Variants in PTPN12 observed in about 807,000 individuals in gnomAD.
The protein encoded by PTPN12 is protein tyrosine phosphatase non-receptor type 12.
In PTPN12, 29 loss-of-function variants were observed where a neutral mutation model predicts 97.6. The ratio of observed to expected loss-of-function variants is 0.30; its 90% confidence interval spans 0.22 to 0.41. The LOEUF (loss-of-function observed/expected upper bound fraction) is 0.41. Ranked by LOEUF, PTPN12 falls within the 10% of genes least tolerant of loss-of-function variation. The pLI is 1.00. For synonymous variants in PTPN12, 327 were observed against 300.4 expected, an observed-to-expected ratio of 1.09 and a Z score of -0.91; for missense variants, 819 against 926.0, an observed-to-expected ratio of 0.88 and a Z score of 1.50.
At chr7:77,577,935 A>G (rs964990605) in intron 2 of PTPN12, among the ~76,000 whole-genome samples, 2 of 152,220 alleles carry the variant, frequency 1.3e-5, no homozygotes, top group African/African-American at 4.8e-5. Context: ...CAAAATGTTG[A>G]TAATGAAGCT....
intron 14 of PTPN12, among the ~76,000 whole-genome samples, chr7:77,634,737 G>A (rs772638210): frequency 1.3e-5 from 2 of 151,866 alleles, no homozygotes; most frequent in Non-Finnish European, 2.9e-5. Context: ...CACCACGCCC[G>A]GCTAATTTTT....
chr7:77,607,238 A>G lies in PTPN12; in HGVS notation c.699A>G (p.Ala233=), dbSNP rs779818738. 5.6e-6 allele frequency: 9 copies of G among 1,604,440 alleles called. No homozygotes were observed. In the African/African-American group the frequency reaches 9.4e-5, roughly 17 times the overall value. The change falls in exon 9 of 18, where the codon GCA becomes GCG. Residue 233 remains alanine, a synonymous_variant. Coordinates refer to ENST00000248594, the MANE Select transcript of PTPN12 (RefSeq NM_002835.4). ...EDVPICIHCS[A]GCGRTGAICA... ...TTTTCAAACTTTATATCCTTAGTGC[A>G]GGCTGTGGAAGAACAGGTGCCATTT...
chr7:77,608,459 T>A (rs940644858), intron 9 of PTPN12, among the ~76,000 whole-genome samples: 4 of 152,210 alleles, frequency 2.6e-5, no homozygotes, highest in Non-Finnish European at 5.9e-5. Flanking sequence ...GATACAGCCT[T>A]CATTATAGAT....
intron 1 of PTPN12, among the ~76,000 whole-genome samples, chr7:77,556,785 G>T (rs989341352): frequency 6.6e-6 from 1 of 151,828 alleles, no homozygotes; most frequent in Non-Finnish European, 1.5e-5. Context: ...ATCCGAGACC[G>T]CACCACTGCA....
chr7:77,636,001 A>G, intron 15 of PTPN12, 152 bp downstream of exon 15: 1 of 518,150 alleles, frequency 1.9e-6, no homozygotes, highest in Non-Finnish European at 3.2e-6. Flanking sequence ...ATTTCAGATG[A>G]AAAGCCCATA....
intron 11 of PTPN12, among the ~76,000 whole-genome samples, chr7:77,612,469 A>C (rs1342792946): frequency 1.3e-5 from 2 of 152,126 alleles, no homozygotes; most frequent in African/African-American, 4.8e-5. Context: ...ATGGAGTTTC[A>C]CTATTGTTGC....
intron 1 of PTPN12, among the ~76,000 whole-genome samples, chr7:77,545,242 T>C (rs569146585): frequency 6.6e-6 from 1 of 152,278 alleles, no homozygotes; most frequent in Non-Finnish European, 1.5e-5. Context: ...ACAAGTGATA[T>C]CTGTTGTTCT....
At chr7:77,627,818 T>C (rs1789255853) in intron 13 of PTPN12, 143 bp downstream of exon 13, 1 of 757,828 alleles carries the variant, frequency 1.3e-6, no homozygotes, top group Non-Finnish European at 1.9e-6. Flanking sequence ...ATACTAATTT[T>C]TTAATATAAG....
chr7:77,571,686 C>G (rs1317195576), intron 2 of PTPN12, among the ~76,000 whole-genome samples: 2 of 146,436 alleles, frequency 1.4e-5, no homozygotes, highest in African/African-American at 2.6e-5. Flanking sequence ...GCATTACATT[C>G]TAATGATATT....
intron 5 of PTPN12, among the ~76,000 whole-genome samples, chr7:77,587,558 T>C (rs1049910509): frequency 4.6e-5 from 7 of 152,188 alleles, no homozygotes; most frequent in African/African-American, 1.7e-4. Context: ...TTTGGCATGA[T>C]TTTTAGAGCC....
At chr7:77,625,831 A>G (rs1789159455) in intron 12 of PTPN12, among the ~76,000 whole-genome samples, 2 of 151,818 alleles carry the variant, frequency 1.3e-5, no homozygotes, top group Non-Finnish European at 1.5e-5. Flanking sequence ...TGGCCTCCCA[A>G]AGTGCTGGGA....
intron 1 of PTPN12, among the ~76,000 whole-genome samples, chr7:77,570,073 G>A (rs1808410672): frequency 6.6e-6 from 1 of 152,084 alleles, no homozygotes; most frequent in Admixed American, 6.5e-5. Flanking sequence ...TCATAAATGT[G>A]GGGAATTTTA....
At chr7:77,628,832 C>T (rs574512714) in intron 13 of PTPN12, among the ~76,000 whole-genome samples, 3 of 152,128 alleles carry the variant, frequency 2.0e-5, no homozygotes, top group African/African-American at 7.2e-5. Context: ...GCTACCACAC[C>T]TGGCCTTGAA....
intron 12 of PTPN12, among the ~76,000 whole-genome samples, chr7:77,623,087 T>G (rs996453321): frequency 6.6e-6 from 1 of 151,614 alleles, no homozygotes; most frequent in Non-Finnish European, 1.5e-5. Flanking sequence ...ACACCAAGCT[T>G]GATATACACC....
Position 77,625,510 on chromosome 7 carries a change from T to TCTCTCTCTCTCA in PTPN12, c.1026-1184_1026-1183insACTCTCTCTCTC, listed in dbSNP as rs1789126670. ...CTCTCTCTCTCTCTCTCTCTCTCTC[T>TCTCTCTCTCTCA]CTCTCTCTCTCTCACTCTCACTCTC... is the stretch of plus-strand genomic sequence containing the variant. On this transcript the variant is annotated intron_variant, in intron 12 of 17. Transcript: ENST00000248594. Among the ~76,000 whole-genome samples, 27 of 100,370 alleles carry TCTCTCTCTCTCA rather than the reference T, an allele frequency of 2.7e-4. 2 individuals carry two copies. The highest frequency in any genetic ancestry group is 3.5e-4 in the South Asian group (1 of 2,876). 65.8% of individuals were successfully genotyped at this position (100,370 alleles called of 152,430 possible). A position where few individuals can be genotyped will look rare whatever the true frequency, so the allele number is the denominator to read the frequency against.
Position 77,605,223 on chromosome 7 carries a change from AC to A in PTPN12, c.696-2011del, listed in dbSNP as rs376118102. On this transcript the variant is annotated intron_variant, in intron 8 of 17. Transcript: ENST00000248594. ...GAATTTTAGGTTACATGTTTAACAA[AC>A]TGCTGATAGGTATACATTTCAAAAT... is the stretch of plus-strand genomic sequence containing the variant. 4.3e-3 allele frequency among the ~76,000 whole-genome samples: 661 copies of A among 152,212 alleles called. 8 individuals are homozygous for A. Among genetic ancestry groups the A allele is most frequent in the African/African-American group, 0.014 (588 of 41,538 alleles).
intron 14 of PTPN12, 125 bp from the exon 15 acceptor site, chr7:77,635,657 A>G (rs2151410274): frequency 1.9e-6 from 1 of 530,432 alleles, no homozygotes; most frequent in South Asian, 4.0e-5. Flanking sequence ...TTACCCAGAA[A>G]CTACAAAATT....
chr7:77,639,195 GT>G, intron 17 of PTPN12, 23 bp from the exon 18 acceptor site: 1 of 1,586,324 alleles, frequency 6.3e-7, no homozygotes, highest in Non-Finnish European at 8.6e-7. Flanking sequence ...ACACTGACTA[GT>G]TATTGTGGTG....
rs181222471 is a variant in PTPN12, at chr7:77,570,479, C to G, written c.100-599C>G. 3.9e-5 allele frequency among the ~76,000 whole-genome samples: 6 copies of G among 152,304 alleles called. No homozygotes were observed. The East Asian group carries it at 9.6e-4, about 24-fold the overall frequency. Reference sequence around the variant, plus strand: ...AAGCAGGAAGTGTATTACTGACACGCAGAAATATTCCAGCCCAAAGAACAT... The same window carrying G: ...AAGCAGGAAGTGTATTACTGACACGGAGAAATATTCCAGCCCAAAGAACAT... On this transcript the variant is annotated intron_variant, in intron 1 of 17. Coordinates refer to ENST00000248594, the MANE Select transcript of PTPN12 (RefSeq NM_002835.4).
Sources: allele counts gnomAD v4.1 joint callset (sites outside exome capture counted in the v4.1 genomes callset), GRCh38; gene constraint gnomAD v4.1.1; transcripts MANE v1.5; gene names NCBI Gene and HGNC (gene_info 2026-07-23, HGNC 2026-07-21).